The following PCDHGB1 variants were observed in gnomAD, a reference collection of about 807,000 sequenced individuals.
The protein encoded by PCDHGB1 is protocadherin gamma subfamily B, 1.
A neutral mutation model predicts 56.6 loss-of-function variants in PCDHGB1; 34 were observed. The observed-to-expected ratio is 0.60, with a 90% CI of 0.46 to 0.80. The LOEUF (loss-of-function observed/expected upper bound fraction) is 0.80. Ranked by LOEUF, PCDHGB1 falls within the 30% of genes least tolerant of loss-of-function variation. The pLI, the probability that PCDHGB1 is intolerant of heterozygous loss-of-function variation, is 0.00. For synonymous variants in PCDHGB1, 561 were observed against 505.9 expected (o/e 1.11, Z -1.46); for missense variants, 1,278 against 1,204.6 (o/e 1.06, Z -0.90).
chr5:141,365,305 C>A, intron 1 of PCDHGB1: 4 of 1,613,926 alleles, frequency 2.5e-6, no homozygotes, highest in Non-Finnish European at 3.4e-6. Context: ...AGGATGGAGG[C>A]GCTCTTGTTG....
In PCDHGB1 at chr5:141,402,880, A is replaced by T; in HGVS notation, c.2409+50211A>T. The T allele has an allele frequency of 1.4e-6, 2 of 1,474,944 alleles. 1 individual carries two copies. The highest frequency in any genetic ancestry group is 2.9e-5 in the South Asian group (2 of 68,686). 91.4% of individuals were successfully genotyped at this position (1,474,944 alleles called of 1,614,324 possible). On this transcript the variant is annotated intron_variant, in intron 1 of 3. Coordinates refer to ENST00000523390, the MANE Select transcript of PCDHGB1 (RefSeq NM_018922.3). ...TAAGGAAAAGATCACCATACTTTGCAGGGTGGAAGAAAGAACCTGATGAAG... is the reference window on the plus strand; with the variant it reads ...TAAGGAAAAGATCACCATACTTTGCTGGGTGGAAGAAAGAACCTGATGAAG...
At chr5:141,428,120 C>A in intron 1 of PCDHGB1, 1 of 1,606,526 alleles carries the variant, frequency 6.2e-7, no homozygotes, top group Non-Finnish European at 8.5e-7. Flanking sequence ...CCATCGAGCC[C>A]GGGCTTTTCA....
intron 1 of PCDHGB1, chr5:141,374,248 G>A (rs1259243407): frequency 1.9e-6 from 3 of 1,613,890 alleles, no homozygotes. Context: ...TGGGACTGGA[G>A]CCCCAGGAGT....
At chr5:141,415,153 G>A in intron 1 of PCDHGB1, 4 of 1,613,780 alleles carry the variant, frequency 2.5e-6, no homozygotes, top group South Asian at 2.2e-5. Flanking sequence ...CCCTCTCTCC[G>A]CCACTGTCAC....
At chr5:141,374,414 G>C in intron 1 of PCDHGB1, 1 of 1,614,026 alleles carries the variant, frequency 6.2e-7, no homozygotes, top group South Asian at 1.1e-5. Flanking sequence ...CATCCTTGTC[G>C]AGGATAAACT....
At position 141,431,416 on chromosome 5, in the gene PCDHGB1, C is replaced by T. The variant is rs778722151; in HGVS notation, c.2410-63391C>T. Reference sequence around the variant, plus strand: ...TCCTTACGGCCTCCGACGGGGGCGACCCGGTGCGCACAGGCACCGCGCGCA... The same window carrying T: ...TCCTTACGGCCTCCGACGGGGGCGATCCGGTGCGCACAGGCACCGCGCGCA... On this transcript the variant is annotated intron_variant, in intron 1 of 3. Transcript: ENST00000523390. This position sits in a 1 kb window ranked among gnomAD's most constrained non-coding sequence, Gnocchi z 4.8. 2.5e-6 allele frequency: 4 copies of T among 1,613,714 alleles called. No homozygotes were observed. Among genetic ancestry groups the T allele is most frequent in the Admixed American group, 1.7e-5 (1 of 60,028 alleles).
rs1224223477 is a variant in PCDHGB1, at chr5:141,356,416, A to T, written c.2409+3747A>T. 31 of 1,603,068 alleles carry T rather than the reference A, an allele frequency of 1.9e-5. No homozygotes were observed. Among genetic ancestry groups the T allele is most frequent in the Non-Finnish European group, 2.6e-5 (31 of 1,173,990 alleles). ...CTATGGAAATTATTATCGGTTGTTG[A>T]CACACAGAACACTGGACAGGGAAGA... On this transcript the variant is annotated intron_variant, in intron 1 of 3. Transcript: ENST00000523390.
intron 1 of PCDHGB1, chr5:141,394,693 G>T (rs1310404999): frequency 1.2e-6 from 2 of 1,612,890 alleles, no homozygotes; most frequent in African/African-American, 1.3e-5. Context: ...GGCGAGGTGC[G>T]CACGGCGCGA....
chr5:141,421,926 C>T, intron 1 of PCDHGB1: 1 of 1,613,460 alleles, frequency 6.2e-7, no homozygotes, highest in Non-Finnish European at 8.5e-7. Context: ...GTGTGGTGGT[C>T]CTCGATGTAA....
At chr5:141,420,521 C>A in intron 1 of PCDHGB1, 1 of 378,418 alleles carries the variant, frequency 2.6e-6, no homozygotes, top group Non-Finnish European at 4.4e-6. Context: ...AGTAAAATAC[C>A]TTTCGGTTAA....
intron 1 of PCDHGB1, chr5:141,403,838 G>C: frequency 6.2e-7 from 1 of 1,613,710 alleles, no homozygotes; most frequent in Non-Finnish European, 8.5e-7. Context: ...CCAGCTTAAT[G>C]AAAATACTGG....
rs375228847 is a variant in PCDHGB1, at chr5:141,431,219, C to G, written c.2410-63588C>G. ...TGCAGCCACTGAGATGCGGTTCCCTCTACCCCACGCCTGGGATCCGGATAT... is the reference window on the plus strand; with the variant it reads ...TGCAGCCACTGAGATGCGGTTCCCTGTACCCCACGCCTGGGATCCGGATAT... On this transcript the variant is annotated intron_variant, in intron 1 of 3. Coordinates refer to ENST00000523390, the MANE Select transcript of PCDHGB1 (RefSeq NM_018922.3). This position sits in a 1 kb window ranked among gnomAD's most constrained non-coding sequence, Gnocchi z 4.8. 2.5e-6 allele frequency: 4 copies of G among 1,614,180 alleles called. No individual in the cohort carries two copies. The highest frequency in any genetic ancestry group is 1.6e-4 in the Middle Eastern group (1 of 6,062).
chr5:141,447,078 G>A (rs531206989), intron 1 of PCDHGB1, among the ~76,000 whole-genome samples: 5 of 152,018 alleles, frequency 3.3e-5, no homozygotes, highest in Non-Finnish European at 7.4e-5. Context: ...TTTAATTTTT[G>A]TTGTTTAATT....
rs867459693 is a variant in PCDHGB1 at position 141,351,362 on chromosome 5, C to A, written c.1102C>A (p.Arg368=). Residue 368 remains arginine, a synonymous_variant, in exon 1 of 4, where the codon CGA becomes AGA. Coordinates refer to ENST00000523390, the MANE Select transcript of PCDHGB1 (RefSeq NM_018922.3). The part of the protein sequence containing the change: ...LGTVIALIKV[R]DKDSGQNGMV... ...AACTGTAATAGCCCTCATAAAAGTG[C>A]GAGACAAGGATTCTGGGCAAAATGG... 1.3e-5 allele frequency: 21 copies of A among 1,612,386 alleles called. No individual in the cohort carries two copies. Among genetic ancestry groups the A allele is most frequent in the Non-Finnish European group, 1.8e-5 (21 of 1,179,186 alleles).
intron 1 of PCDHGB1, among the ~76,000 whole-genome samples, chr5:141,462,868 T>C (rs1232965498): frequency 6.6e-6 from 1 of 152,228 alleles, no homozygotes; most frequent in East Asian, 1.9e-4. Context: ...TTTGTCTTTC[T>C]TTAAGAACTA....
chr5:141,399,030 G>C, intron 1 of PCDHGB1: 1 of 1,613,824 alleles, frequency 6.2e-7, no homozygotes, highest in Non-Finnish European at 8.5e-7. Flanking sequence ...CCACTCAAAA[G>C]AAACTGGATT....
chr5:141,400,120 C>G, intron 1 of PCDHGB1: 1 of 1,614,076 alleles, frequency 6.2e-7, no homozygotes, highest in Non-Finnish European at 8.5e-7. Context: ...TGACAGCTTG[C>G]AGGAGGTGCT....
At chr5:141,402,474 G>T (rs2094271773) in intron 1 of PCDHGB1, among the ~76,000 whole-genome samples, 1 of 152,122 alleles carries the variant, frequency 6.6e-6, no homozygotes, top group South Asian at 2.1e-4. Flanking sequence ...GAAATAGAGT[G>T]CAAAGTTCTA....
At chr5:141,421,789 G>A (rs756677817) in intron 1 of PCDHGB1, 5 of 1,613,830 alleles carry the variant, frequency 3.1e-6, no homozygotes, top group East Asian at 2.2e-5. Context: ...GGGCAGAACG[G>A]ATGGGGCCAA....
Sources: gnomAD v4.1 joint callset for allele counts (sites outside exome capture counted in the v4.1 genomes callset) on GRCh38, gnomAD v4.1.1 for gene constraint, Gnocchi (gnomAD v3.1) non-coding constraint, MANE v1.5 for transcripts, NCBI Gene and HGNC (gene_info 2026-07-23, HGNC 2026-07-21) for gene names.